The following FRMD4A variants were observed in gnomAD, a reference collection of about 807,000 sequenced individuals.
FRMD4A encodes the protein FERM domain containing 4A.
FRMD4A carries 29 observed loss-of-function variants against 129.1 expected under a neutral mutation model. The observed-to-expected ratio is 0.22, with a 90% CI of 0.17 to 0.31. The LOEUF is 0.31. Ranked by LOEUF, FRMD4A falls within the 10% of genes least tolerant of loss-of-function variation. The pLI, the probability that FRMD4A is intolerant of heterozygous loss-of-function variation, is 1.00. For synonymous variants in FRMD4A, 634 were observed against 571.6 expected, an observed-to-expected ratio of 1.11 and a Z score of -1.56; for missense variants, 1,272 against 1,375.8, an observed-to-expected ratio of 0.92 and a Z score of 1.19.
chr10:13,769,973 T>C lies in FRMD4A; in HGVS notation c.385-7293A>G, dbSNP rs2092408694. ...CTTGCAGACAGCAGACTGTGGGATC[T>C]CTCAGCCCCCATGATCTTGTGAGCC... On this transcript the variant is annotated intron_variant, in intron 6 of 24. Transcript: ENST00000357447. Among the ~76,000 whole-genome samples the C allele has an allele frequency of 2.6e-5, 4 of 152,220 alleles. No homozygotes were observed. The South Asian group carries it at 8.3e-4, about 32-fold the overall frequency.
At chr10:14,328,369 T>TGGG (rs35809656) in intron 2 of FRMD4A, among the ~76,000 whole-genome samples, 20 of 91,166 alleles carry the variant, frequency 2.2e-4, no homozygotes, top group East Asian at 5.9e-4. Flanking sequence ...TGTGTGTGGG[T>TGGG]GGGGGGGGGG....
chr10:13,978,615 G>A (rs576160806), intron 2 of FRMD4A, among the ~76,000 whole-genome samples: 1 of 152,184 alleles, frequency 6.6e-6, no homozygotes, highest in Non-Finnish European at 1.5e-5. Flanking sequence ...TTTCAGGATT[G>A]CTAACTCACA....
intron 2 of FRMD4A, among the ~76,000 whole-genome samples, chr10:14,309,817 T>C (rs1319917516): frequency 6.6e-6 from 1 of 152,172 alleles, no homozygotes; most frequent in Non-Finnish European, 1.5e-5. Context: ...CGTAACTCCC[T>C]GCTCAAGAAT....
chr10:13,798,498 C>T (rs1473635826), intron 4 of FRMD4A, among the ~76,000 whole-genome samples: 3 of 152,120 alleles, frequency 2.0e-5, no homozygotes, highest in South Asian at 4.1e-4. Context: ...AGACAGATCA[C>T]GAGGTCAGGA....
At chr10:13,768,779 A>C (rs989906927) in intron 6 of FRMD4A, among the ~76,000 whole-genome samples, 3 of 152,196 alleles carry the variant, frequency 2.0e-5, no homozygotes, top group Middle Eastern at 3.2e-3. Flanking sequence ...TTTCCTTATC[A>C]GTAAAATGGG....
chr10:13,729,848 G>T (rs556527382), intron 12 of FRMD4A, among the ~76,000 whole-genome samples: 1 of 152,246 alleles, frequency 6.6e-6, no homozygotes, highest in African/African-American at 2.4e-5. Flanking sequence ...TTCTTCCCAG[G>T]GGGGAGATTT....
intron 5 of FRMD4A, among the ~76,000 whole-genome samples, chr10:13,789,696 C>T (rs1346137174): frequency 2.0e-5 from 3 of 150,580 alleles, no homozygotes; most frequent in Non-Finnish European, 4.4e-5. Flanking sequence ...GTTCCCAAGC[C>T]TTATAGCACT....
chr10:13,739,838 G>A (rs1456109671), intron 11 of FRMD4A, among the ~76,000 whole-genome samples: 2 of 152,214 alleles, frequency 1.3e-5, no homozygotes, highest in South Asian at 2.1e-4. Context: ...GGTGGCTCAC[G>A]CCTATAATCC....
intron 2 of FRMD4A, among the ~76,000 whole-genome samples, chr10:13,980,329 C>G (rs1005587370): frequency 1.3e-5 from 2 of 152,192 alleles, no homozygotes; most frequent in Non-Finnish European, 2.9e-5. Context: ...CCTCCGCATT[C>G]CAGCATGACT....
chr10:14,064,474 T>C (rs1432907244), intron 2 of FRMD4A, among the ~76,000 whole-genome samples: 1 of 152,224 alleles, frequency 6.6e-6, no homozygotes, highest in Non-Finnish European at 1.5e-5. Flanking sequence ...AAATGCTTAT[T>C]CTTGGGAAAT....
At chr10:13,700,395 T>A (rs17544732) in intron 14 of FRMD4A, among the ~76,000 whole-genome samples, 1 of 152,004 alleles carries the variant, frequency 6.6e-6, no homozygotes, top group Non-Finnish European at 1.5e-5. Context: ...GTGACTCTTG[T>A]GCCCAGTAAG....
At chr10:13,988,634 GTGGATAGATACCGA>G (rs1365190583) in intron 2 of FRMD4A, among the ~76,000 whole-genome samples, 9 of 152,268 alleles carry the variant, frequency 5.9e-5, no homozygotes, top group South Asian at 4.2e-4. Context: ...GGATGAATTG[GTGGATAGATACCGA>G]TGGATAGATA....
At chr10:13,656,525 C>G in intron 22 of FRMD4A, 111 bp downstream of exon 22, 1 of 1,198,674 alleles carries the variant, frequency 8.3e-7, no homozygotes. Context: ...TTAATGATTC[C>G]CGTTCCTCAC....
At chr10:13,943,713 T>G (rs1349879622) in intron 2 of FRMD4A, among the ~76,000 whole-genome samples, 1 of 137,112 alleles carries the variant, frequency 7.3e-6, no homozygotes, top group Non-Finnish European at 1.6e-5. Context: ...GAAAGAAAAG[T>G]AGACCCACAC....
intron 16 of FRMD4A, among the ~76,000 whole-genome samples, chr10:13,673,769 C>CTTTTT (rs1156236426): frequency 5.1e-4 from 48 of 94,242 alleles, no homozygotes; most frequent in Non-Finnish European, 5.9e-4. Context: ...GAAAGCATTG[C>CTTTTT]TTTTTTTTTT....
intron 2 of FRMD4A, among the ~76,000 whole-genome samples, chr10:13,912,451 G>C (rs2094950912): frequency 2.0e-5 from 3 of 151,492 alleles, no homozygotes; most frequent in Admixed American, 2.0e-4. Context: ...ATAGGCAAAA[G>C]CAGGAAGAAA....
chr10:13,814,604 A>AAAAG (rs1165874355), intron 3 of FRMD4A, among the ~76,000 whole-genome samples: 1 of 137,828 alleles, frequency 7.3e-6, no homozygotes, highest in East Asian at 2.0e-4. Flanking sequence ...AAAAAAAAAA[A>AAAAG]AAAGAAAGAA....
chr10:14,002,470 T>C (rs1348224542), intron 2 of FRMD4A, among the ~76,000 whole-genome samples: 1 of 152,210 alleles, frequency 6.6e-6, no homozygotes, highest in Non-Finnish European at 1.5e-5. Context: ...AGCACGAGGA[T>C]GGAGGCTGTT....
intron 2 of FRMD4A, among the ~76,000 whole-genome samples, chr10:13,882,951 A>T (rs1333398853): frequency 1.3e-5 from 2 of 151,856 alleles, no homozygotes; most frequent in Non-Finnish European, 2.9e-5. Flanking sequence ...CTACTGGTGC[A>T]TGCCACCACA....
Sources: allele counts gnomAD v4.1 joint callset (sites outside exome capture counted in the v4.1 genomes callset), GRCh38; gene constraint gnomAD v4.1.1; transcripts MANE v1.5; gene names NCBI Gene and HGNC (gene_info 2026-07-23, HGNC 2026-07-21).